CD226: variants seen among roughly 807,000 people sequenced by gnomAD.
CD226 encodes the protein CD226 antigen.
In CD226, 24 loss-of-function variants were observed where a neutral mutation model predicts 34.9. The observed-to-expected ratio is 0.69, with a 90% CI of 0.50 to 0.97. CD226 has a LOEUF of 0.97. Ranked by LOEUF, CD226 falls within the 50% of genes least tolerant of loss-of-function variation. The probability of loss-of-function intolerance (pLI) is 0.00; values close to 1 mark genes in which losing one functional copy is unlikely to be tolerated. For missense variants in CD226, 397 were observed against 412.7 expected (o/e 0.96, Z 0.33); for synonymous variants, 148 against 147.4 (o/e 1.00, Z -0.03).
chr18:69,959,171 T>C (rs1403974810), upstream of CD226, among the ~76,000 whole-genome samples: 1 of 152,118 alleles, frequency 6.6e-6, no homozygotes. Context: ...GATAATAAAT[T>C]ACAAAACAAA....
Position 69,884,181 on chromosome 18 carries a change from G to A in CD226, c.728-10935C>T, listed in dbSNP as rs190687603. Among the ~76,000 whole-genome samples the A allele has an allele frequency of 1.7e-3, 258 of 152,114 alleles. 1 individual carries two copies. Among genetic ancestry groups the A allele is most frequent in the African/African-American group, 5.8e-3 (239 of 41,458 alleles). On this transcript the variant is annotated intron_variant, in intron 3 of 5. Transcript: ENST00000582621. Reference sequence around the variant, plus strand: ...ACTGTAGTCCCAGGCCTGGATGACAGAGCAAGACCCTGTCTCTAAAACAAA... The same window carrying A: ...ACTGTAGTCCCAGGCCTGGATGACAAAGCAAGACCCTGTCTCTAAAACAAA...
chr18:69,953,999 CAAA>C (rs933349209), intron 1 of CD226, among the ~76,000 whole-genome samples: 6 of 73,708 alleles, frequency 8.1e-5, no homozygotes, highest in Non-Finnish European at 1.5e-4. Context: ...GACTCCGTTT[CAAA>C]AAAAAAAAAA....
intron 2 of CD226, among the ~76,000 whole-genome samples, chr18:69,932,366 C>T (rs1292239832): frequency 2.0e-5 from 3 of 152,162 alleles, no homozygotes; most frequent in African/African-American, 7.2e-5. Flanking sequence ...CTACTCCCAG[C>T]CCACTGCAAA....
intron 2 of CD226, among the ~76,000 whole-genome samples, chr18:69,918,849 A>C (rs989586843): frequency 3.3e-5 from 5 of 152,160 alleles, no homozygotes; most frequent in Non-Finnish European, 7.3e-5. Context: ...GGAAAGTGGA[A>C]GGCCTGGACT....
intron 2 of CD226, among the ~76,000 whole-genome samples, chr18:69,920,936 C>T (rs1241087440): frequency 1.3e-5 from 2 of 152,182 alleles, no homozygotes; most frequent in South Asian, 2.1e-4. Flanking sequence ...ATCCTTTATA[C>T]AAAAAAGTCA....
At chr18:69,917,828 A>T (rs1359697301) in intron 2 of CD226, among the ~76,000 whole-genome samples, 3 of 152,198 alleles carry the variant, frequency 2.0e-5, no homozygotes, top group Non-Finnish European at 4.4e-5. Flanking sequence ...CTAATACTTA[A>T]TCCATTGTTG....
intron 5 of CD226, 145 bp downstream of exon 5, chr18:69,867,212 C>A (rs1024587562): frequency 8.1e-6 from 5 of 619,760 alleles, no homozygotes; most frequent in Non-Finnish European, 1.2e-5. Flanking sequence ...TAACTTTCTC[C>A]AAATAGCTGA....
rs1365659004 is a variant in CD226, at chr18:69,857,472, G to C, written c.*6842C>G. 6.6e-6 allele frequency: 1 copy of C among 152,174 alleles called. No homozygotes were observed. The highest frequency in any genetic ancestry group is 1.5e-5 in the Non-Finnish European group (1 of 68,036). The allele number at this position is 152,174 out of a possible 1,614,324, so 9.4% of individuals were successfully genotyped here. A position where few individuals can be genotyped will look rare whatever the true frequency, so the allele number is the denominator to read the frequency against. ...CTCAGGCAGCTGATCAAAGAATAAT[G>C]GTCTTAGTCACTGTAAGTACTTTTG... On this transcript the variant is annotated 3_prime_UTR_variant, in exon 6 of 6. Coordinates refer to ENST00000582621, the MANE Select transcript of CD226 (RefSeq NM_001303618.2).
At chr18:69,922,243 A>G (rs1379355813) in intron 2 of CD226, among the ~76,000 whole-genome samples, 1 of 152,198 alleles carries the variant, frequency 6.6e-6, no homozygotes, top group Non-Finnish European at 1.5e-5. Flanking sequence ...TTCATTGTCA[A>G]GAAGTAAGGC....
At chr18:69,953,275 G>C (rs1049681024) in intron 1 of CD226, among the ~76,000 whole-genome samples, 30 of 152,182 alleles carry the variant, frequency 2.0e-4, no homozygotes, top group African/African-American at 7.2e-4. Flanking sequence ...GTTTACAGCA[G>C]CATTATTCAC....
intron 4 of CD226, among the ~76,000 whole-genome samples, chr18:69,870,893 T>C (rs1983480981): frequency 6.6e-6 from 1 of 152,204 alleles, no homozygotes; most frequent in Non-Finnish European, 1.5e-5. Flanking sequence ...GCATTTCTAT[T>C]GGAAGTAACA....
At chr18:69,955,050 A>C (rs1482671127) in intron 1 of CD226, among the ~76,000 whole-genome samples, 1 of 151,366 alleles carries the variant, frequency 6.6e-6, no homozygotes, top group Non-Finnish European at 1.5e-5. Flanking sequence ...AAAATGTCTC[A>C]GCTAACCACA....
chr18:69,959,922 A>G (rs1465093812), upstream of CD226, among the ~76,000 whole-genome samples: 1 of 152,174 alleles, frequency 6.6e-6, no homozygotes, highest in African/African-American at 2.4e-5. Context: ...AATGCAGCCA[A>G]GCCTCTAGAA....
intron 2 of CD226, among the ~76,000 whole-genome samples, chr18:69,942,427 G>T (rs1034382226): frequency 2.0e-5 from 3 of 152,184 alleles, no homozygotes; most frequent in African/African-American, 7.2e-5. Flanking sequence ...GGTGGTGAAA[G>T]AAAAATCTGG....
At chr18:69,886,877 ATAGACTATCCAATTT>A (rs1395851333) in intron 3 of CD226, among the ~76,000 whole-genome samples, 1 of 152,190 alleles carries the variant, frequency 6.6e-6, no homozygotes, top group Non-Finnish European at 1.5e-5. Flanking sequence ...ATACCTCCAA[ATAGACTATCCAATTT>A]TAAACCATTT....
upstream of CD226, among the ~76,000 whole-genome samples, chr18:69,948,744 G>T (rs1026804229): frequency 2.0e-5 from 3 of 152,138 alleles, no homozygotes; most frequent in Admixed American, 2.0e-4. Context: ...TCTCTGTTTT[G>T]TAAATAAGTC....
intron 2 of CD226, 146 bp downstream of exon 2, chr18:69,946,588 C>A (rs2055795371): frequency 4.8e-6 from 3 of 623,558 alleles, no homozygotes; most frequent in Non-Finnish European, 8.3e-6. Flanking sequence ...TCCTTCAAAG[C>A]AGTAACATCA....
At chr18:69,944,816 G>T (rs28546302) in intron 2 of CD226, among the ~76,000 whole-genome samples, 117 of 152,324 alleles carry the variant, frequency 7.7e-4, no homozygotes, top group African/African-American at 2.4e-3. Flanking sequence ...ATGAGGACTT[G>T]TATGGTGAAA....
At chr18:69,905,926 T>C (rs943393261) in intron 2 of CD226, among the ~76,000 whole-genome samples, 3 of 152,234 alleles carry the variant, frequency 2.0e-5, no homozygotes, top group Non-Finnish European at 4.4e-5. Flanking sequence ...ACAAGGGTAT[T>C]TGCCAGAAGA....
Sources: allele counts gnomAD v4.1 joint callset (sites outside exome capture counted in the v4.1 genomes callset), GRCh38; gene constraint gnomAD v4.1.1; transcripts MANE v1.5; gene names NCBI Gene and HGNC (gene_info 2026-07-23, HGNC 2026-07-21).